The following GCSAML variants were observed in gnomAD, a reference collection of about 807,000 sequenced individuals.
GCSAML encodes the protein germinal center-associated signaling and motility-like protein.
A neutral mutation model predicts 13.0 loss-of-function variants in GCSAML; 9 were observed. That is an observed-to-expected ratio of 0.69 (90% CI 0.42 to 1.21). GCSAML has a LOEUF of 1.21. Among genes scored for constraint, GCSAML ranks in the 50% most tolerant of loss-of-function variants. The pLI is 0.00. For missense variants in GCSAML, 143 were observed against 153.4 expected (o/e 0.93, Z 0.36); for synonymous variants, 37 against 52.9 (o/e 0.70, Z 1.31).
In GCSAML at chr1:247,538,930, C is replaced by T. The variant is rs532500903; in HGVS notation, c.-147-10115C>T. On this transcript the variant is annotated intron_variant, in intron 2 of 5. Transcript: ENST00000366489. The stretch of plus-strand genomic sequence containing the variant: ...AAAACGAACCCTGTTGTACACCTGA[C>T]CTCCTCCAGCTGCAGTCTCCTCTTC... 2.4e-4 allele frequency: 76 copies of T among 317,884 alleles called. 1 individual carries two copies. Among genetic ancestry groups the T allele is most frequent in the South Asian group, 1.6e-3 (62 of 38,638 alleles). 19.7% of individuals were successfully genotyped at this position (317,884 alleles called of 1,614,324 possible).
chr1:247,573,001 A>G (rs894577474), intron 4 of GCSAML, among the ~76,000 whole-genome samples: 1 of 152,142 alleles, frequency 6.6e-6, no homozygotes, highest in Non-Finnish European at 1.5e-5. Context: ...AAGCCTCAGT[A>G]ATGGCAGATG....
At chr1:247,515,450 T>C (rs993149692) in intron 1 of GCSAML, among the ~76,000 whole-genome samples, 1 of 152,272 alleles carries the variant, frequency 6.6e-6, no homozygotes, top group Admixed American at 6.5e-5. Context: ...ATAATAACTC[T>C]GTACCTTGAT....
At chr1:247,546,905 C>T (rs552582636), upstream of GCSAML, among the ~76,000 whole-genome samples, 12 of 141,068 alleles carry the variant, frequency 8.5e-5, no homozygotes, top group Non-Finnish European at 1.5e-4. Context: ...GCCTGGGCAA[C>T]GTAACAAGAC....
chr1:247,533,041 A>G (rs1667067932), intron 2 of GCSAML, among the ~76,000 whole-genome samples: 1 of 152,232 alleles, frequency 6.6e-6, no homozygotes, highest in South Asian at 2.1e-4. Flanking sequence ...ACCACTGTAC[A>G]GGCATTAAAA....
Position 247,527,327 on chromosome 1 carries a change from C to A in GCSAML, c.-148+273C>A. The A allele has an allele frequency of 4.4e-6, 1 of 229,426 alleles. No homozygotes were observed. 14.2% of individuals were successfully genotyped at this position (229,426 alleles called of 1,614,324 possible). A position where few individuals can be genotyped will look rare whatever the true frequency, so the allele number is the denominator to read the frequency against. On this transcript the variant is annotated intron_variant, in intron 2 of 5. Coordinates refer to the GCSAML transcript ENST00000366489. The surrounding 1 kb of genome is among the most constrained non-coding windows in gnomAD (Gnocchi z 4.6). Reference sequence around the variant, plus strand: ...CATAAACTGATGAGGACCTGCACTCCTGTCCTGAGTTGACACCCAGCCTTG... The same window carrying A: ...CATAAACTGATGAGGACCTGCACTCATGTCCTGAGTTGACACCCAGCCTTG...
At chr1:247,545,915 C>T (rs57768471), upstream of GCSAML, among the ~76,000 whole-genome samples, 7,856 of 151,942 alleles carry the variant, frequency 0.052, 653 homozygotes, top group African/African-American at 0.18. Context: ...AACAATTCGT[C>T]AAGAGTGTAG....
chr1:247,546,364 ATT>A (rs1161368422), upstream of GCSAML, among the ~76,000 whole-genome samples: 22 of 151,444 alleles, frequency 1.5e-4, no homozygotes, highest in African/African-American at 5.4e-4. Context: ...TTTTTTATTT[ATT>A]TTTATTTTTT....
intron 2 of GCSAML, among the ~76,000 whole-genome samples, chr1:247,541,471 C>A (rs557069802): frequency 2.0e-4 from 31 of 152,124 alleles, no homozygotes; most frequent in Non-Finnish European, 3.7e-4. Context: ...CAGTCTCATC[C>A]CCAAATGGCT....
At chr1:247,518,456 C>T (rs910170565) in intron 1 of GCSAML, 2 of 152,408 alleles carry the variant, frequency 1.3e-5, no homozygotes, top group Non-Finnish European at 2.9e-5. Flanking sequence ...CCGCCCTTTC[C>T]ACGGTGACGC....
intron 2 of GCSAML, among the ~76,000 whole-genome samples, chr1:247,560,783 A>C (rs1339970906): frequency 6.6e-6 from 1 of 151,802 alleles, no homozygotes; most frequent in Non-Finnish European, 1.5e-5. Context: ...CTTGAGATCC[A>C]CTCTTTTAGC....
chr1:247,508,598 C>A (rs1665908003), intron 1 of GCSAML, among the ~76,000 whole-genome samples: 2 of 152,128 alleles, frequency 1.3e-5, no homozygotes, highest in Admixed American at 1.3e-4. Context: ...TGCCTATGTC[C>A]TGAATGGTAC....
rs1212821135 is a variant in GCSAML at position 247,574,635 on chromosome 1, T to C, written c.*253T>C. On this transcript the variant is annotated 3_prime_UTR_variant, in exon 5 of 5. Transcript: ENST00000366488. ...CTTGTAAAGTTTGAGGACATGGAGG[T>C]GATAAAAAAAACTTTCTTAGGACAA... is the stretch of plus-strand genomic sequence containing the variant. The C allele has an allele frequency of 4.6e-6, 2 of 437,038 alleles. No individual in the cohort carries two copies. The highest frequency in any genetic ancestry group is 8.0e-6 in the Non-Finnish European group (2 of 249,274). The allele number at this position is 437,038 out of a possible 1,614,324, so 27.1% of individuals were successfully genotyped here. A position where few individuals can be genotyped will look rare whatever the true frequency, so the allele number is the denominator to read the frequency against.
rs1668882899 is a variant in GCSAML at position 247,577,588 on chromosome 1, C to T, written c.*3206C>T. 6.6e-6 allele frequency: 1 copy of T among 152,104 alleles called. No individual in the cohort carries two copies. Among genetic ancestry groups the T allele is most frequent in the South Asian group, 2.1e-4 (1 of 4,834 alleles). The allele number at this position is 152,104 out of a possible 1,614,324, so 9.4% of individuals were successfully genotyped here. On this transcript the variant is annotated 3_prime_UTR_variant, in exon 5 of 5. Coordinates refer to ENST00000366488, the MANE Select transcript of GCSAML (RefSeq NM_145278.5). Reference sequence around the variant, plus strand: ...CTCAGCATATCACCATATAGATATACTATAATTTGTTAATCTAATCACTGA... The same window carrying T: ...CTCAGCATATCACCATATAGATATATTATAATTTGTTAATCTAATCACTGA...
intron 2 of GCSAML, among the ~76,000 whole-genome samples, chr1:247,562,308 G>T (rs1431979337): frequency 6.6e-6 from 1 of 152,106 alleles, no homozygotes; most frequent in African/African-American, 2.4e-5. Context: ...AAAGTATGGC[G>T]CTGGGAGTTC....
intron 1 of GCSAML, among the ~76,000 whole-genome samples, chr1:247,521,448 C>G (rs1572291218): frequency 6.6e-6 from 1 of 152,272 alleles, no homozygotes; most frequent in South Asian, 2.1e-4. Context: ...CTGGACTGTA[C>G]TGCCGCCATC....
intron 2 of GCSAML, among the ~76,000 whole-genome samples, chr1:247,559,251 A>G (rs1011694660): frequency 2.6e-5 from 4 of 152,216 alleles, no homozygotes; most frequent in African/African-American, 9.6e-5. Context: ...TGTATTTCAG[A>G]TATTCACTGT....
rs1249407891 is a variant in GCSAML, at chr1:247,526,907, T to C, written c.-262-33T>C. 1 of 452,304 alleles carries C rather than the reference T, an allele frequency of 2.2e-6. No individual in the cohort carries two copies. The highest frequency in any genetic ancestry group is 4.4e-6 in the Non-Finnish European group (1 of 225,516). The allele number at this position is 452,304 out of a possible 1,614,324, so 28.0% of individuals were successfully genotyped here. ...ATCCAAGTAAGATGGGACTTCCCTC[T>C]ATTTAGAAAGGTCTTCTTTCACTTT... On this transcript the variant is annotated intron_variant, in intron 1 of 5. Transcript: ENST00000366489. The surrounding 1 kb of genome is among the most constrained non-coding windows in gnomAD (Gnocchi z 4.8).
At chr1:247,547,877 T>G (rs1346329155), upstream of GCSAML, among the ~76,000 whole-genome samples, 2 of 152,218 alleles carry the variant, frequency 1.3e-5, no homozygotes, top group Admixed American at 6.5e-5. Context: ...GAAGCAGCAC[T>G]TTGGTACATA....
intron 1 of GCSAML, among the ~76,000 whole-genome samples, chr1:247,512,200 C>T (rs1666064407): frequency 2.0e-5 from 3 of 151,878 alleles, no homozygotes; most frequent in Admixed American, 2.0e-4. Flanking sequence ...AGGCTTTGTT[C>T]ATTTATTTTC....
Sources: allele counts gnomAD v4.1 joint callset (sites outside exome capture counted in the v4.1 genomes callset), GRCh38; gene constraint gnomAD v4.1.1; non-coding constraint Gnocchi (gnomAD v3.1); transcripts MANE v1.5; gene names NCBI Gene and HGNC (gene_info 2026-07-23, HGNC 2026-07-21).